Variants in CNTNAP2 observed in about 807,000 individuals in gnomAD.
The protein encoded by CNTNAP2 is contactin associated protein 2, also known as contactin-associated protein-like 2.
Under a neutral mutation model 155.2 loss-of-function variants are expected in CNTNAP2, and 98 were observed. That is an observed-to-expected ratio of 0.63 (90% confidence interval 0.54 to 0.75). CNTNAP2 has a LOEUF of 0.75. Among genes scored for constraint, CNTNAP2 ranks in the 30% least tolerant of loss-of-function variants. The probability of loss-of-function intolerance (pLI) is 0.00; values close to 1 mark genes in which losing one functional copy is unlikely to be tolerated. For synonymous variants in CNTNAP2, 651 were observed against 631.2 expected (o/e 1.03, Z -0.47); for missense variants, 1,727 against 1,688.1 (o/e 1.02, Z -0.40).
chr7:146,783,330 A>T (rs1286980981), intron 2 of CNTNAP2, among the ~76,000 whole-genome samples: 1 of 152,214 alleles, frequency 6.6e-6, no homozygotes, highest in Non-Finnish European at 1.5e-5. Flanking sequence ...CTTTTCAAAG[A>T]TTTCTTCTGA....
chr7:147,052,189 A>G (rs1390464991), intron 4 of CNTNAP2, among the ~76,000 whole-genome samples: 1 of 152,124 alleles, frequency 6.6e-6, no homozygotes, highest in Non-Finnish European at 1.5e-5. Context: ...TCATATGAAT[A>G]TTTATCAGAT....
intron 1 of CNTNAP2, among the ~76,000 whole-genome samples, chr7:146,393,595 C>T (rs1248491942): frequency 6.6e-6 from 1 of 152,120 alleles, no homozygotes; most frequent in African/African-American, 2.4e-5. Flanking sequence ...GCCTCCCTAA[C>T]TCAAGTTACT....
chr7:146,295,831 C>T (rs1214731412), intron 1 of CNTNAP2, among the ~76,000 whole-genome samples: 1 of 148,958 alleles, frequency 6.7e-6, no homozygotes, highest in Non-Finnish European at 1.5e-5. Context: ...CTTTATTGCA[C>T]AGCACCGCAC....
chr7:147,492,072 G>C (rs867306426), intron 11 of CNTNAP2, among the ~76,000 whole-genome samples: 1 of 152,130 alleles, frequency 6.6e-6, no homozygotes, highest in Non-Finnish European at 1.5e-5. Flanking sequence ...ACTCTCCAAC[G>C]TTTTTGGCAC....
At chr7:146,721,142 T>G in intron 1 of CNTNAP2, among the ~76,000 whole-genome samples, 1 of 132,894 alleles carries the variant, frequency 7.5e-6, no homozygotes, top group East Asian at 2.2e-4. Context: ...TATATTCTCT[T>G]TATATATTCT....
At chr7:146,870,956 GA>G (rs1251730035) in intron 3 of CNTNAP2, among the ~76,000 whole-genome samples, 1 of 151,932 alleles carries the variant, frequency 6.6e-6, no homozygotes, top group Non-Finnish European at 1.5e-5. Context: ...TCAGTGGAAG[GA>G]AAAAAGACTA....
intron 1 of CNTNAP2, among the ~76,000 whole-genome samples, chr7:146,729,201 C>T (rs370070303): frequency 6.6e-6 from 1 of 152,206 alleles, no homozygotes; most frequent in African/African-American, 2.4e-5. Context: ...GCTCCTCAGA[C>T]AGCAACTCAC....
intron 3 of CNTNAP2, among the ~76,000 whole-genome samples, chr7:147,012,581 CA>C (rs757149388): frequency 6.6e-6 from 1 of 151,992 alleles, no homozygotes; most frequent in Non-Finnish European, 1.5e-5. Flanking sequence ...AAGTAAATGA[CA>C]GATTAATTTT....
intron 9 of CNTNAP2, among the ~76,000 whole-genome samples, chr7:147,306,335 A>G (rs1203946999): frequency 6.6e-6 from 1 of 152,252 alleles, no homozygotes; most frequent in Admixed American, 6.5e-5. Context: ...TAAAAGTTAG[A>G]GGCATTCAAA....
chr7:147,986,220 C>G (rs1481672109), intron 15 of CNTNAP2, among the ~76,000 whole-genome samples: 9 of 152,082 alleles, frequency 5.9e-5, no homozygotes. Flanking sequence ...CATTCCTGCC[C>G]TGGCCATTAA....
intron 1 of CNTNAP2, among the ~76,000 whole-genome samples, chr7:146,427,008 G>C (rs1316881757): frequency 6.6e-6 from 1 of 151,932 alleles, no homozygotes; most frequent in African/African-American, 2.4e-5. Flanking sequence ...GAAAAAAACT[G>C]CTTATTTTCC....
In CNTNAP2 at chr7:148,208,234, C is replaced by T. The variant is rs1795486994; in HGVS notation, c.3011-9054C>T. On this transcript the variant is annotated intron_variant, in intron 18 of 23. Coordinates refer to ENST00000361727, the MANE Select transcript of CNTNAP2 (RefSeq NM_014141.6). ...ACAGAGAGCTTAGGGTGTCTCTAGG[C>T]TTTCTGCCTTTGAGTGACCATGCAG... is the stretch of plus-strand genomic sequence containing the variant. Among the ~76,000 whole-genome samples, 8 of 152,326 alleles carry T rather than the reference C, an allele frequency of 5.3e-5. No homozygotes were observed. In the South Asian group the frequency reaches 1.7e-3, roughly 32 times the overall value.
chr7:146,587,403 G>A (rs1798709125), intron 1 of CNTNAP2, among the ~76,000 whole-genome samples: 1 of 152,052 alleles, frequency 6.6e-6, no homozygotes, highest in Non-Finnish European at 1.5e-5. Context: ...TGAGGAGTGG[G>A]GTCCCCTAAG....
intron 1 of CNTNAP2, among the ~76,000 whole-genome samples, chr7:146,709,362 C>T (rs940067542): frequency 2.0e-5 from 3 of 152,102 alleles, no homozygotes; most frequent in Non-Finnish European, 4.4e-5. Context: ...ACAATCCATG[C>T]TAGTGCTGAT....
intron 1 of CNTNAP2, among the ~76,000 whole-genome samples, chr7:146,341,678 A>G (rs1584878376): frequency 6.6e-6 from 1 of 152,308 alleles, no homozygotes; most frequent in Middle Eastern, 3.4e-3. Flanking sequence ...CAAGCTGTGA[A>G]AAAGCAACTT....
intron 18 of CNTNAP2, among the ~76,000 whole-genome samples, chr7:148,205,803 A>T (rs895578590): frequency 6.6e-6 from 1 of 152,188 alleles, no homozygotes; most frequent in Non-Finnish European, 1.5e-5. Context: ...CTCAATGAAC[A>T]TTTATTGAAT....
chr7:148,028,734 A>C (rs1157821591), intron 15 of CNTNAP2, among the ~76,000 whole-genome samples: 1 of 152,216 alleles, frequency 6.6e-6, no homozygotes, highest in Non-Finnish European at 1.5e-5. Flanking sequence ...ACCCAGGTTC[A>C]CATGGGTCCT....
chr7:146,342,123 T>C (rs1794740164), intron 1 of CNTNAP2, among the ~76,000 whole-genome samples: 1 of 152,140 alleles, frequency 6.6e-6, no homozygotes, highest in Non-Finnish European at 1.5e-5. Flanking sequence ...CATTTACCTG[T>C]GCATGTGCAA....
chr7:146,831,880 C>T (rs1803520221), intron 2 of CNTNAP2, among the ~76,000 whole-genome samples: 1 of 151,934 alleles, frequency 6.6e-6, no homozygotes, highest in Admixed American at 6.6e-5. Flanking sequence ...ATTATATCTT[C>T]TTTCTTCTGT....
Sources: gnomAD v4.1 joint callset for allele counts (sites outside exome capture counted in the v4.1 genomes callset) on GRCh38, gnomAD v4.1.1 for gene constraint, MANE v1.5 for transcripts, NCBI Gene and HGNC (gene_info 2026-07-23, HGNC 2026-07-21) for gene names.